Variants in IFITM1 observed in about 807,000 individuals in gnomAD.
The protein encoded by IFITM1 is interferon induced transmembrane protein 1.
In IFITM1, 1 loss-of-function variant was observed where a neutral mutation model predicts 4.0. The observed-to-expected ratio is 0.25, with a 90% CI of 0.09 to 1.18. The LOEUF is 1.18. Ranked by LOEUF, IFITM1 falls within the 50% of genes most tolerant of loss-of-function variation. The pLI is 0.50. For synonymous variants in IFITM1, 79 were observed against 69.7 expected (o/e 1.13, Z -0.67); for missense variants, 131 against 163.2 (o/e 0.80, Z 1.08).
At position 314,293 on chromosome 11, in the gene IFITM1, G is replaced by A. The variant is rs369406025; in HGVS notation, c.123G>A (p.Leu41=). The part of the protein sequence containing the change: ...TSVPDHVVWS[L]FNTLFLNWCC... ...TGCCCGACCATGTCGTCTGGTCCCT[G>A]TTCAACACCCTCTTCTTGAACTGGT... The change falls in exon 1 of 2, where the codon CTG becomes CTA. Residue 41 remains leucine, a synonymous_variant. Coordinates refer to ENST00000408968, the MANE Select transcript of IFITM1 (RefSeq NM_003641.5). The surrounding 1 kb of genome is among the most constrained non-coding windows in gnomAD (Gnocchi z 4.5). 6.2e-7 allele frequency: 1 copy of A among 1,613,958 alleles called. No individual in the cohort carries two copies. The highest frequency in any genetic ancestry group is 1.3e-5 in the African/African-American group (1 of 75,022).
Position 315,144 on chromosome 11 carries a change from C to T in IFITM1, c.*31C>T, listed in dbSNP as rs766276152. The T allele has an allele frequency of 6.2e-7, 1 of 1,601,348 alleles. No individual in the cohort carries two copies. The highest frequency in any genetic ancestry group is 1.3e-5 in the African/African-American group (1 of 74,812). ...GCCCATAGCCTGCAACCTTTGCACT[C>T]CACTGTGCAATGCTGGCCCTGCACG... On this transcript the variant is annotated 3_prime_UTR_variant, in exon 2 of 2. Coordinates refer to ENST00000408968, the MANE Select transcript of IFITM1 (RefSeq NM_003641.5).
In IFITM1 at chr11:314,627, G is replaced by A. The variant is rs763258641; in HGVS notation, c.186+271G>A. 4.6e-5 allele frequency among the ~76,000 whole-genome samples: 7 copies of A among 152,238 alleles called. No homozygotes were observed. The highest frequency in any genetic ancestry group is 1.7e-4 in the African/African-American group (7 of 41,448). ...GTCCCTGGCTATCCATTAGCCCAGA[G>A]CAATTCTCCCTATAGCCCAGTAAGA... On this transcript the variant is annotated intron_variant, in intron 1 of 1. Coordinates refer to ENST00000408968, the MANE Select transcript of IFITM1 (RefSeq NM_003641.5). This position sits in a 1 kb window ranked among gnomAD's most constrained non-coding sequence, Gnocchi z 4.5.
rs377062079 is a variant in IFITM1 at position 315,032 on chromosome 11, A to T, written c.297A>T (p.Gly99=). The T allele has an allele frequency of 3.1e-6, 5 of 1,614,028 alleles. No homozygotes were observed. The African/African-American group carries it at 5.3e-5, about 17-fold the overall frequency. Residue 99 remains glycine (G), a synonymous_variant, in exon 2 of 2, where the codon GGA becomes GGT. Transcript: ENST00000408968. ...ALILGILMTI[G]FILLLVFGSV... ...TTCTGGGCATCCTCATGACCATTGG[A>T]TTCATCCTGTTACTGGTATTCGGCT...
chr11:315,115 A>G lies in IFITM1; in HGVS notation c.*2A>G, dbSNP rs751267314. ...ATACAGGAAAAACGGGGTTACTAGT[A>G]GCCGCCCATAGCCTGCAACCTTTGC... On this transcript the variant is annotated 3_prime_UTR_variant, in exon 2 of 2. Transcript: ENST00000408968. 6.2e-7 allele frequency: 1 copy of G among 1,613,552 alleles called. No homozygotes were observed.
Position 314,311 on chromosome 11 carries a change from G to C in IFITM1, c.141G>C (p.Leu47Phe). ...VVWSLFNTLF[L>F]NWCCLGFIAF... ...GGTCCCTGTTCAACACCCTCTTCTT[G>C]AACTGGTGCTGTCTGGGCTTCATAG... is the stretch of plus-strand genomic sequence containing the variant. Residue 47 changes from leucine (L) to phenylalanine (F), a missense_variant, in exon 1 of 2, where the codon TTG (leucine) becomes TTC (phenylalanine). This residue lies in a region of IFITM1 where 77 missense variants were observed against 80.1 expected (regional missense o/e 0.96). Transcript: ENST00000408968. This position sits in a 1 kb window ranked among gnomAD's most constrained non-coding sequence, Gnocchi z 4.5. 6.2e-7 allele frequency: 1 copy of C among 1,613,958 alleles called. No homozygotes were observed. Among genetic ancestry groups the C allele is most frequent in the Non-Finnish European group, 8.5e-7 (1 of 1,179,862 alleles).
Position 314,574 on chromosome 11 carries a change from AG to A in IFITM1, c.186+220del, listed in dbSNP as rs1417533394. On this transcript the variant is annotated intron_variant, in intron 1 of 1. Coordinates refer to ENST00000408968, the MANE Select transcript of IFITM1 (RefSeq NM_003641.5). This position sits in a 1 kb window ranked among gnomAD's most constrained non-coding sequence, Gnocchi z 4.5. Reference sequence around the variant, plus strand: ...CAGTGCAGGTCTAGGAGGAGGCTCCAGGAGGCTGGCTGGCTGGCTCAGAGTC... The same window carrying A: ...CAGTGCAGGTCTAGGAGGAGGCTCCAGAGGCTGGCTGGCTGGCTCAGAGTC... The A allele has an allele frequency of 3.8e-6, 3 of 783,640 alleles. No homozygotes were observed. The highest frequency in any genetic ancestry group is 6.6e-6 in the Non-Finnish European group (3 of 451,554). 48.5% of individuals were successfully genotyped at this position (783,640 alleles called of 1,614,324 possible).
Position 314,945 on chromosome 11 carries a change from C to A in IFITM1, c.210C>A (p.Gly70=). The part of the protein sequence containing the change: ...SVKSRDRKMV[G]DVTGAQAYAS... ...AGTCTAGGGACAGGAAGATGGTTGG[C>A]GACGTGACCGGGGCCCAGGCCTATG... The change falls in exon 2 of 2, where the codon GGC becomes GGA. Residue 70 remains glycine, a synonymous_variant. Transcript: ENST00000408968. This position sits in a 1 kb window ranked among gnomAD's most constrained non-coding sequence, Gnocchi z 4.5. 6.2e-7 allele frequency: 1 copy of A among 1,613,376 alleles called. No homozygotes were observed. Among genetic ancestry groups the A allele is most frequent in the Non-Finnish European group, 8.5e-7 (1 of 1,179,958 alleles).
In IFITM1 at chr11:314,630, A is replaced by G. The variant is rs1409081643; in HGVS notation, c.186+274A>G. The stretch of plus-strand genomic sequence containing the variant: ...CCTGGCTATCCATTAGCCCAGAGCA[A>G]TTCTCCCTATAGCCCAGTAAGAAAT... On this transcript the variant is annotated intron_variant, in intron 1 of 1. Coordinates refer to ENST00000408968, the MANE Select transcript of IFITM1 (RefSeq NM_003641.5). The surrounding 1 kb of genome is among the most constrained non-coding windows in gnomAD (Gnocchi z 4.5). Among the ~76,000 whole-genome samples, 6 of 152,256 alleles carry G rather than the reference A, an allele frequency of 3.9e-5. No individual in the cohort carries two copies. Among genetic ancestry groups the G allele is most frequent in the Non-Finnish European group, 8.8e-5 (6 of 68,022 alleles).
chr11:315,081 T>C lies in IFITM1; in HGVS notation c.346T>C (p.Leu116=). ...CTCTGTGACAGTCTACCATATTATG[T>C]TACAGATAATACAGGAAAAACGGGG... ...FGSVTVYHIM[L]QIIQEKRGY Residue 116 remains leucine, a synonymous_variant, in exon 2 of 2, where the codon TTA becomes CTA. Coordinates refer to ENST00000408968, the MANE Select transcript of IFITM1 (RefSeq NM_003641.5). 1 of 1,614,124 alleles carries C rather than the reference T, an allele frequency of 6.2e-7. No individual in the cohort carries two copies. Among genetic ancestry groups the C allele is most frequent in the Non-Finnish European group, 8.5e-7 (1 of 1,179,986 alleles).
chr11:314,453 G>A lies in IFITM1; in HGVS notation c.186+97G>A. 2.9e-6 allele frequency: 4 copies of A among 1,393,254 alleles called. No individual in the cohort carries two copies. Among genetic ancestry groups the A allele is most frequent in the Non-Finnish European group, 4.1e-6 (4 of 986,976 alleles). The allele number at this position is 1,393,254 out of a possible 1,614,324, so 86.3% of individuals were successfully genotyped here. ...GGGGTGGGGACTTGTGTGTCCCTGTGACTGTGAGTTTGTGTGCACCTCTGC... is the reference window on the plus strand; with the variant it reads ...GGGGTGGGGACTTGTGTGTCCCTGTAACTGTGAGTTTGTGTGCACCTCTGC... On this transcript the variant is annotated intron_variant, in intron 1 of 1. Transcript: ENST00000408968. The surrounding 1 kb of genome is among the most constrained non-coding windows in gnomAD (Gnocchi z 4.5).
In IFITM1 at chr11:315,138, T is replaced by C. The variant is rs1846039798; in HGVS notation, c.*25T>C. 6.2e-7 allele frequency: 1 copy of C among 1,610,354 alleles called. No individual in the cohort carries two copies. Among genetic ancestry groups the C allele is most frequent in the African/African-American group, 1.3e-5 (1 of 74,876 alleles). ...GTAGCCGCCCATAGCCTGCAACCTT[T>C]GCACTCCACTGTGCAATGCTGGCCC... On this transcript the variant is annotated 3_prime_UTR_variant, in exon 2 of 2. Coordinates refer to ENST00000408968, the MANE Select transcript of IFITM1 (RefSeq NM_003641.5).
In IFITM1 at chr11:314,200, GCTGGGGCCACCCCC is replaced by G; in HGVS notation, c.32_45del (p.Leu11GlnfsTer49). 1 of 1,614,030 alleles carries G rather than the reference GCTGGGGCCACCCCC, an allele frequency of 6.2e-7. No homozygotes were observed. Among genetic ancestry groups the G allele is most frequent in the Non-Finnish European group, 8.5e-7 (1 of 1,179,970 alleles). The stretch of plus-strand genomic sequence containing the variant: ...ACAAGGAGGAACATGAGGTGGCTGT[GCTGGGGCCACCCCC>G]CAGCACCATCCTTCCAAGGTCCACC... On this transcript the variant is annotated frameshift_variant, in exon 1 of 2. Transcript: ENST00000408968. LOFTEE classifies it high-confidence loss of function. This position sits in a 1 kb window ranked among gnomAD's most constrained non-coding sequence, Gnocchi z 4.5.
At position 315,201 on chromosome 11, in the gene IFITM1, G is replaced by A. The variant is rs909050726; in HGVS notation, c.*88G>A. 7.7e-5 allele frequency: 100 copies of A among 1,297,686 alleles called. No homozygotes were observed. Among genetic ancestry groups the A allele is most frequent in the Non-Finnish European group, 1.0e-4 (92 of 912,228 alleles). 80.4% of individuals were successfully genotyped at this position (1,297,686 alleles called of 1,614,324 possible). Reference sequence around the variant, plus strand: ...CTGTTGCCCCTGCCCCCTTGGTCCTGCCCCTAGATACAGCAGTTTATACCC... The same window carrying A: ...CTGTTGCCCCTGCCCCCTTGGTCCTACCCCTAGATACAGCAGTTTATACCC... On this transcript the variant is annotated 3_prime_UTR_variant, in exon 2 of 2. Transcript: ENST00000408968.
In IFITM1 at chr11:314,995, T is replaced by A; in HGVS notation, c.260T>A (p.Ile87Asn). Reference sequence around the variant, plus strand: ...GCCTCCACCGCCAAGTGCCTGAACATCTGGGCCCTGATTCTGGGCATCCTC... The same window carrying A: ...GCCTCCACCGCCAAGTGCCTGAACAACTGGGCCCTGATTCTGGGCATCCTC... ...AYASTAKCLN[I>N]WALILGILMT... Residue 87 changes from isoleucine (I) to asparagine (N), a missense_variant, in exon 2 of 2, where the codon ATC becomes AAC. By Grantham distance (149) the Ile-to-Asn change is moderately radical (BLOSUM62 -3). Coordinates refer to ENST00000408968, the MANE Select transcript of IFITM1 (RefSeq NM_003641.5). This position sits in a 1 kb window ranked among gnomAD's most constrained non-coding sequence, Gnocchi z 4.5. 1.2e-6 allele frequency: 2 copies of A among 1,614,146 alleles called. No individual in the cohort carries two copies. The highest frequency in any genetic ancestry group is 1.7e-6 in the Non-Finnish European group (2 of 1,180,006).
In IFITM1 at chr11:315,268, T is replaced by G; in HGVS notation, c.*155T>G. ...TGTCATTCAATAAAGTGCACGTGCT[T>G]GTGATGATGCTGTGACTTCATCTGG... On this transcript the variant is annotated 3_prime_UTR_variant, in exon 2 of 2. Coordinates refer to ENST00000408968, the MANE Select transcript of IFITM1 (RefSeq NM_003641.5). The G allele has an allele frequency of 4.2e-6, 3 of 721,522 alleles. No individual in the cohort carries two copies. The highest frequency in any genetic ancestry group is 6.9e-6 in the Non-Finnish European group (3 of 437,248). 44.7% of individuals were successfully genotyped at this position (721,522 alleles called of 1,614,324 possible).
chr11:315,160 G>A lies in IFITM1; in HGVS notation c.*47G>A, dbSNP rs753637741. The A allele has an allele frequency of 2.5e-6, 4 of 1,586,380 alleles. No individual in the cohort carries two copies. The East Asian group carries it at 6.7e-5, about 27-fold the overall frequency. Reference sequence around the variant, plus strand: ...CTTTGCACTCCACTGTGCAATGCTGGCCCTGCACGCTGGGGCTGTTGCCCC... The same window carrying A: ...CTTTGCACTCCACTGTGCAATGCTGACCCTGCACGCTGGGGCTGTTGCCCC... On this transcript the variant is annotated 3_prime_UTR_variant, in exon 2 of 2. Transcript: ENST00000408968.
At position 314,593 on chromosome 11, in the gene IFITM1, T is replaced by TCAGAG. The variant is rs1420655467; in HGVS notation, c.186+238_186+242dup. On this transcript the variant is annotated intron_variant, in intron 1 of 1. Transcript: ENST00000408968. The surrounding 1 kb of genome is among the most constrained non-coding windows in gnomAD (Gnocchi z 4.5). ...GGCTCCAGGAGGCTGGCTGGCTGGC[T>TCAGAG]CAGAGTCTGTCCCTGGCTATCCATT... is the stretch of plus-strand genomic sequence containing the variant. 1 of 760,334 alleles carries TCAGAG rather than the reference T, an allele frequency of 1.3e-6. No individual in the cohort carries two copies. Among genetic ancestry groups the TCAGAG allele is most frequent in the Non-Finnish European group, 2.3e-6 (1 of 432,166 alleles). The allele number at this position is 760,334 out of a possible 1,614,324, so 47.1% of individuals were successfully genotyped here.
chr11:314,215 C>A lies in IFITM1; in HGVS notation c.45C>A (p.Pro15=). Residue 15 remains proline, a synonymous_variant, in exon 1 of 2, where the codon CCC becomes CCA. Transcript: ENST00000408968. The surrounding 1 kb of genome is among the most constrained non-coding windows in gnomAD (Gnocchi z 4.5). ...EHEVAVLGPP[P]STILPRSTVI... is the part of the protein sequence containing the mutation. Reference sequence around the variant, plus strand: ...AGGTGGCTGTGCTGGGGCCACCCCCCAGCACCATCCTTCCAAGGTCCACCG... The same window carrying A: ...AGGTGGCTGTGCTGGGGCCACCCCCAAGCACCATCCTTCCAAGGTCCACCG... The A allele has an allele frequency of 6.2e-7, 1 of 1,613,878 alleles. No homozygotes were observed. The highest frequency in any genetic ancestry group is 8.5e-7 in the Non-Finnish European group (1 of 1,179,902).
Position 315,098 on chromosome 11 carries a change from A to C in IFITM1, c.363A>C (p.Glu121Asp), listed in dbSNP as rs775879015. Residue 121 changes from glutamate to aspartate, a missense_variant, in exon 2 of 2, where the codon GAA becomes GAC. This residue lies in a region of IFITM1 where 35 missense variants were observed against 30.1 expected (regional missense o/e 1.16). Transcript: ENST00000408968. ...VYHIMLQIIQ[E>D]KRGY is the part of the protein sequence containing the mutation. ...ATATTATGTTACAGATAATACAGGA[A>C]AAACGGGGTTACTAGTAGCCGCCCA... 5 of 1,614,018 alleles carry C rather than the reference A, an allele frequency of 3.1e-6. No homozygotes were observed. Among genetic ancestry groups the C allele is most frequent in the Non-Finnish European group, 4.2e-6 (5 of 1,179,996 alleles).
Sources: allele counts gnomAD v4.1 joint callset (sites outside exome capture counted in the v4.1 genomes callset), GRCh38; gene constraint gnomAD v4.1.1; regional missense constraint gnomAD v4.1.1; non-coding constraint Gnocchi (gnomAD v3.1); transcripts MANE v1.5; gene names NCBI Gene and HGNC (gene_info 2026-07-23, HGNC 2026-07-21).